The following PARD3 variants were observed in gnomAD, a reference collection of about 807,000 sequenced individuals.
PARD3 encodes the protein partitioning defective 3 homolog.
Under a neutral mutation model 155.4 loss-of-function variants are expected in PARD3, and 75 were observed. That is an observed-to-expected ratio of 0.48 (90% CI 0.40 to 0.58). PARD3 has a LOEUF of 0.58. Among genes scored for constraint, PARD3 ranks in the 20% least tolerant of loss-of-function variants. PARD3 has a pLI of 0.00. For synonymous variants in PARD3, 576 were observed against 610.5 expected (o/e 0.94, Z 0.83); for missense variants, 1,642 against 1,721.7 (o/e 0.95, Z 0.82).
intron 1 of PARD3, 152 bp from the exon 2 acceptor site, chr10:34,696,571 A>T (rs1204831381): frequency 4.8e-6 from 3 of 619,404 alleles, no homozygotes; most frequent in Non-Finnish European, 8.6e-6. Flanking sequence ...ACAGCACCCT[A>T]AGTTTGGTAT....
At chr10:34,501,690 T>C (rs1032402630) in intron 3 of PARD3, among the ~76,000 whole-genome samples, 3 of 151,994 alleles carry the variant, frequency 2.0e-5, no homozygotes, top group African/African-American at 4.8e-5. Context: ...TTTAAATGCA[T>C]GTAAAATGTG....
chr10:34,555,853 C>A (rs1212609131), intron 2 of PARD3, among the ~76,000 whole-genome samples: 3 of 152,160 alleles, frequency 2.0e-5, no homozygotes, highest in Non-Finnish European at 4.4e-5. Context: ...GCCACAGCCA[C>A]CTTCATTGTC....
At chr10:34,240,325 G>A (rs1408911099) in intron 22 of PARD3, among the ~76,000 whole-genome samples, 1 of 152,156 alleles carries the variant, frequency 6.6e-6, no homozygotes, top group African/African-American at 2.4e-5. Flanking sequence ...AAGTACAGAT[G>A]TGCAAATAAC....
chr10:34,726,458 C>T (rs1439731132), intron 1 of PARD3, among the ~76,000 whole-genome samples: 1 of 152,182 alleles, frequency 6.6e-6, no homozygotes. Context: ...TGGTGGCACA[C>T]ACCCATAATC....
intron 22 of PARD3, among the ~76,000 whole-genome samples, chr10:34,156,663 C>G (rs1006845256): frequency 6.6e-6 from 1 of 152,150 alleles, no homozygotes; most frequent in South Asian, 2.1e-4. Context: ...CATGGTACCC[C>G]TAAGTCAAGC....
chr10:34,189,387 G>T (rs530521409), intron 22 of PARD3, among the ~76,000 whole-genome samples: 1 of 152,220 alleles, frequency 6.6e-6, no homozygotes, highest in South Asian at 2.1e-4. Flanking sequence ...CTTCTTTATG[G>T]GGTTAACACT....
At chr10:34,608,534 C>CTTTTTT (rs71299715) in intron 2 of PARD3, among the ~76,000 whole-genome samples, 2 of 125,402 alleles carry the variant, frequency 1.6e-5, no homozygotes, top group African/African-American at 3.2e-5. Flanking sequence ...AAAAAGAATA[C>CTTTTTT]TTTTTTTTTT....
At chr10:34,738,226 T>C (rs2094949898) in intron 1 of PARD3, among the ~76,000 whole-genome samples, 1 of 152,208 alleles carries the variant, frequency 6.6e-6, no homozygotes, top group Admixed American at 6.5e-5. Context: ...TGTATGACTT[T>C]AAGGAAAACA....
intron 1 of PARD3, among the ~76,000 whole-genome samples, chr10:34,805,963 C>CG (rs1843330928): frequency 6.6e-6 from 1 of 150,886 alleles, no homozygotes; most frequent in African/African-American, 2.4e-5. Flanking sequence ...GGCGACAGAG[C>CG]GAGACTCCGT....
intron 2 of PARD3, among the ~76,000 whole-genome samples, chr10:34,667,406 C>T (rs2093513912): frequency 6.6e-6 from 1 of 152,190 alleles, no homozygotes; most frequent in South Asian, 2.1e-4. Context: ...TCTAAAGCAT[C>T]CCAGAGGCAG....
chr10:34,602,692 TA>T (rs1384321017), intron 2 of PARD3, among the ~76,000 whole-genome samples: 6 of 152,220 alleles, frequency 3.9e-5, no homozygotes. Context: ...TGTACATATG[TA>T]TAATCTATGG....
chr10:34,156,781 G>A (rs1379281057), intron 22 of PARD3, among the ~76,000 whole-genome samples: 2 of 152,086 alleles, frequency 1.3e-5, no homozygotes, highest in Admixed American at 6.6e-5. Flanking sequence ...GAGACCAAAC[G>A]ACTGCCCAGA....
intron 4 of PARD3, among the ~76,000 whole-genome samples, chr10:34,456,503 C>T (rs2077349096): frequency 1.3e-5 from 2 of 151,872 alleles, no homozygotes; most frequent in African/African-American, 2.4e-5. Flanking sequence ...TCACCATGTT[C>T]GGCAGACTGG....
chr10:34,630,451 T>C (rs930324038), intron 2 of PARD3, among the ~76,000 whole-genome samples: 2 of 151,234 alleles, frequency 1.3e-5, no homozygotes, highest in African/African-American at 4.9e-5. Context: ...CTCTTTTTTT[T>C]TTTTTTTTTC....
intron 2 of PARD3, among the ~76,000 whole-genome samples, chr10:34,654,454 T>A (rs2093109272): frequency 6.6e-6 from 1 of 152,218 alleles, no homozygotes; most frequent in African/African-American, 2.4e-5. Flanking sequence ...CCAAACTCTC[T>A]GCTCTAGAAT....
intron 2 of PARD3, among the ~76,000 whole-genome samples, chr10:34,647,097 C>T (rs1429449776): frequency 1.3e-5 from 2 of 152,156 alleles, no homozygotes; most frequent in South Asian, 2.1e-4. Flanking sequence ...CTATAGTATG[C>T]TTTAAAGAAG....
chr10:34,476,311 G>A (rs1022369264), intron 3 of PARD3, among the ~76,000 whole-genome samples: 1 of 152,176 alleles, frequency 6.6e-6, no homozygotes, highest in Non-Finnish European at 1.5e-5. Flanking sequence ...CACTGCGAGT[G>A]TGTGGGGTAA....
intron 21 of PARD3, among the ~76,000 whole-genome samples, chr10:34,274,295 G>A (rs898486972): frequency 1.3e-5 from 2 of 152,072 alleles, no homozygotes; most frequent in Non-Finnish European, 2.9e-5. Context: ...ATCCATTTAA[G>A]AGCAATTATG....
chr10:34,476,458 A>G (rs1316539653), intron 3 of PARD3, among the ~76,000 whole-genome samples: 1 of 152,158 alleles, frequency 6.6e-6, no homozygotes, highest in Non-Finnish European at 1.5e-5. Flanking sequence ...CTCTGAAAAC[A>G]GTACTGCACT....
Sources: allele counts gnomAD v4.1 joint callset (sites outside exome capture counted in the v4.1 genomes callset), GRCh38; gene constraint gnomAD v4.1.1; transcripts MANE v1.5; gene names NCBI Gene and HGNC (gene_info 2026-07-23, HGNC 2026-07-21).